CACNA2D3: variants seen among roughly 807,000 people sequenced by gnomAD.
The protein encoded by CACNA2D3 is calcium voltage-gated channel auxiliary subunit alpha2delta 3.
A neutral mutation model predicts 160.6 loss-of-function variants in CACNA2D3; 60 were observed. The ratio of observed to expected loss-of-function variants is 0.37; its 90% CI spans 0.30 to 0.46. CACNA2D3 has a LOEUF of 0.46. CACNA2D3 is among the 20% of genes least tolerant of loss of function. The probability of loss-of-function intolerance (pLI) is 1.00; values close to 1 mark genes in which losing one functional copy is unlikely to be tolerated. For synonymous variants in CACNA2D3, 558 were observed against 492.9 expected (o/e 1.13, Z -1.75); for missense variants, 1,205 against 1,365.0 (o/e 0.88, Z 1.85).
intron 9 of CACNA2D3, among the ~76,000 whole-genome samples, chr3:54,599,872 C>T (rs563072395): frequency 1.4e-4 from 22 of 152,322 alleles, no homozygotes; most frequent in Admixed American, 1.1e-3. Flanking sequence ...GCCAGGCACA[C>T]GGGCAGACCC....
chr3:55,060,025 G>T (rs1200322473), intron 35 of CACNA2D3, among the ~76,000 whole-genome samples: 1 of 151,934 alleles, frequency 6.6e-6, no homozygotes, highest in African/African-American at 2.4e-5. Context: ...GCAATATTTG[G>T]GTGCAAAAAC....
chr3:54,886,487 C>T (rs1699928517), intron 23 of CACNA2D3, among the ~76,000 whole-genome samples: 2 of 152,120 alleles, frequency 1.3e-5, no homozygotes. Context: ...TTTATGCAGT[C>T]GTAATATTTT....
chr3:55,003,106 C>T (rs906050870), intron 31 of CACNA2D3, among the ~76,000 whole-genome samples: 3 of 152,162 alleles, frequency 2.0e-5, no homozygotes, highest in African/African-American at 7.2e-5. Flanking sequence ...CAGGTCTTTC[C>T]GAGCACAGCA....
intron 33 of CACNA2D3, among the ~76,000 whole-genome samples, chr3:55,008,369 A>G (rs1351867233): frequency 2.6e-5 from 4 of 152,204 alleles, no homozygotes; most frequent in Non-Finnish European, 4.4e-5. Flanking sequence ...CACAAAGATG[A>G]AAGTCTTGAC....
chr3:54,418,074 C>A (rs995725157), intron 4 of CACNA2D3, among the ~76,000 whole-genome samples: 2 of 152,186 alleles, frequency 1.3e-5, no homozygotes, highest in African/African-American at 2.4e-5. Context: ...AGGCATGAGC[C>A]ACTGCACCCA....
At chr3:54,249,588 C>CACACACACACACACACACA (rs58638743) in intron 2 of CACNA2D3, among the ~76,000 whole-genome samples, 7 of 147,470 alleles carry the variant, frequency 4.7e-5, no homozygotes, top group South Asian at 2.2e-4. Context: ...CACACACACA[C>CACACACACACACACACACA]CAGGCTACAT....
Position 54,265,694 on chromosome 3 carries a change from G to GTGT in CACNA2D3, c.205-54748_205-54747insTGT, listed in dbSNP as rs1559901454. On this transcript the variant is annotated intron_variant, in intron 2 of 37. Coordinates refer to ENST00000474759, the MANE Select transcript of CACNA2D3 (RefSeq NM_018398.3). Reference sequence around the variant, plus strand: ...AGTGTGTGTATATATATATAGTGTGGGTATATATAGTGTGTTTATATACGC... The same window carrying GTGT: ...AGTGTGTGTATATATATATAGTGTGGTGTGTATATATAGTGTGTTTATATACGC... Among the ~76,000 whole-genome samples, 105 of 145,040 alleles carry GTGT rather than the reference G, an allele frequency of 7.2e-4. 2 individuals are homozygous for GTGT. Among genetic ancestry groups the GTGT allele is most frequent in the African/African-American group, 2.4e-3 (94 of 39,964 alleles).
At chr3:54,322,793 C>T (rs1704032258) in intron 3 of CACNA2D3, among the ~76,000 whole-genome samples, 1 of 151,714 alleles carries the variant, frequency 6.6e-6, no homozygotes, top group Non-Finnish European at 1.5e-5. Flanking sequence ...AATTTTAAAA[C>T]CTTTTTGTGT....
At chr3:54,478,492 TGTG>T (rs1369992683) in intron 4 of CACNA2D3, among the ~76,000 whole-genome samples, 1 of 150,590 alleles carries the variant, frequency 6.6e-6, no homozygotes, top group East Asian at 2.0e-4. Context: ...ATTAGCCAGG[TGTG>T]GTGGCAGGCG....
chr3:54,577,263 A>T (rs1339266756), intron 8 of CACNA2D3, among the ~76,000 whole-genome samples: 1 of 152,192 alleles, frequency 6.6e-6, no homozygotes, highest in Non-Finnish European at 1.5e-5. Context: ...TCTGTGGCAG[A>T]TGCCTTCCTG....
chr3:54,713,675 G>C (rs766447434), intron 11 of CACNA2D3, among the ~76,000 whole-genome samples: 1 of 152,186 alleles, frequency 6.6e-6, no homozygotes, highest in African/African-American at 2.4e-5. Flanking sequence ...GGCACAAGGA[G>C]GGCCTGGCAG....
chr3:54,682,796 G>A (rs994642601), intron 11 of CACNA2D3, among the ~76,000 whole-genome samples: 1 of 152,112 alleles, frequency 6.6e-6, no homozygotes, highest in Non-Finnish European at 1.5e-5. Flanking sequence ...TGATTCCCAA[G>A]CAGTAGGCTT....
chr3:54,298,944 T>TA lies in CACNA2D3; in HGVS notation c.205-21469dup, dbSNP rs59100168. Among the ~76,000 whole-genome samples the TA allele has an allele frequency of 4.1e-3, 408 of 99,242 alleles. 5 individuals are homozygous for TA. The highest frequency in any genetic ancestry group is 0.011 in the East Asian group (39 of 3,410). The allele number at this position is 99,242 out of a possible 152,430, so 65.1% of individuals were successfully genotyped here. On this transcript the variant is annotated intron_variant, in intron 2 of 37. Coordinates refer to ENST00000474759, the MANE Select transcript of CACNA2D3 (RefSeq NM_018398.3). ...AGCAACAGAGCAAGACTCTGTTTCT[T>TA]AAAAAAAAAAAAAAAAAAAAAAAAA...
chr3:54,566,034 C>T (rs1442319985), intron 6 of CACNA2D3, among the ~76,000 whole-genome samples: 1 of 152,184 alleles, frequency 6.6e-6, no homozygotes, highest in Non-Finnish European at 1.5e-5. Context: ...GATCAAACTC[C>T]ACCAGATCTG....
chr3:54,973,982 TCTCTCTCC>T (rs1304958325), intron 29 of CACNA2D3, among the ~76,000 whole-genome samples: 1 of 152,082 alleles, frequency 6.6e-6, no homozygotes, highest in Non-Finnish European at 1.5e-5. Context: ...TGTGTGTGTT[TCTCTCTCC>T]CTCTCTCCCC....
intron 2 of CACNA2D3, among the ~76,000 whole-genome samples, chr3:54,218,158 A>G (rs760949625): frequency 1.3e-5 from 2 of 152,190 alleles, no homozygotes; most frequent in Admixed American, 6.5e-5. Flanking sequence ...TTGTGGGACT[A>G]TCCCCTTCAC....
At chr3:54,978,017 G>A (rs1222795904) in intron 29 of CACNA2D3, among the ~76,000 whole-genome samples, 8 of 152,096 alleles carry the variant, frequency 5.3e-5, no homozygotes, top group Non-Finnish European at 1.0e-4. Flanking sequence ...CATGGCATTT[G>A]TAAACTGTCA....
chr3:54,905,479 T>C (rs1272204897), intron 27 of CACNA2D3, among the ~76,000 whole-genome samples: 4 of 152,202 alleles, frequency 2.6e-5, no homozygotes, highest in African/African-American at 7.2e-5. Context: ...ATTTGGTATG[T>C]AGGAGTTAAC....
chr3:54,875,105 G>A (rs1473721325), intron 18 of CACNA2D3: 1 of 151,908 alleles, frequency 6.6e-6, no homozygotes, highest in African/African-American at 2.4e-5. Flanking sequence ...AGCCCTATAA[G>A]GCAAAAAAGC....
Sources: gnomAD v4.1 joint callset for allele counts (sites outside exome capture counted in the v4.1 genomes callset) on GRCh38, gnomAD v4.1.1 for gene constraint, MANE v1.5 for transcripts, NCBI Gene and HGNC (gene_info 2026-07-23, HGNC 2026-07-21) for gene names.